ARHGAP15: variants seen among roughly 807,000 people sequenced by gnomAD.
ARHGAP15 encodes the protein rho GTPase-activating protein 15.
A neutral mutation model predicts 63.7 loss-of-function variants in ARHGAP15; 51 were observed. That is an observed-to-expected ratio of 0.80 (90% CI 0.64 to 1.01). The LOEUF is 1.01. ARHGAP15 is among the 50% of genes least tolerant of loss of function. ARHGAP15 has a pLI of 0.00. For missense variants in ARHGAP15, 560 were observed against 564.6 expected (o/e 0.99, Z 0.08); for synonymous variants, 191 against 193.8 (o/e 0.99, Z 0.12).
intron 2 of ARHGAP15, among the ~76,000 whole-genome samples, chr2:143,172,684 C>T (rs1690837142): frequency 6.6e-6 from 1 of 152,014 alleles, no homozygotes; most frequent in Admixed American, 6.6e-5. Context: ...TAGTGCCAAT[C>T]ACTGAGACAG....
At chr2:143,745,733 A>G (rs1686139743) in intron 13 of ARHGAP15, among the ~76,000 whole-genome samples, 1 of 152,182 alleles carries the variant, frequency 6.6e-6, no homozygotes, top group Non-Finnish European at 1.5e-5. Context: ...TTTCCTTGCA[A>G]AGTATTTCAA....
intron 1 of ARHGAP15, among the ~76,000 whole-genome samples, chr2:143,153,094 T>A (rs1305651115): frequency 6.6e-6 from 1 of 151,926 alleles, no homozygotes; most frequent in Non-Finnish European, 1.5e-5. Flanking sequence ...AATATAGGAA[T>A]GCAAATTTTG....
chr2:143,381,740 A>G (rs543227282), intron 6 of ARHGAP15, among the ~76,000 whole-genome samples: 1 of 152,122 alleles, frequency 6.6e-6, no homozygotes, highest in Admixed American at 6.6e-5. Flanking sequence ...CTTGAAACTG[A>G]TGTAACTCTC....
chr2:143,447,499 T>C (rs891928314), intron 8 of ARHGAP15, among the ~76,000 whole-genome samples: 1 of 152,162 alleles, frequency 6.6e-6, no homozygotes, highest in Non-Finnish European at 1.5e-5. Flanking sequence ...GTTCACTGTA[T>C]CAAAAGGATT....
At chr2:143,687,114 CTA>C (rs1019913121) in intron 12 of ARHGAP15, among the ~76,000 whole-genome samples, 1 of 152,100 alleles carries the variant, frequency 6.6e-6, no homozygotes, top group African/African-American at 2.4e-5. Context: ...AGCTGGGTAA[CTA>C]TCTTATTTCT....
intron 12 of ARHGAP15, among the ~76,000 whole-genome samples, chr2:143,699,519 C>T (rs1683992063): frequency 6.6e-6 from 1 of 152,110 alleles, no homozygotes; most frequent in Admixed American, 6.6e-5. Flanking sequence ...TATAGGCAAA[C>T]TTGGAAACCG....
At chr2:143,256,491 CAT>C (rs1680434536) in intron 6 of ARHGAP15, among the ~76,000 whole-genome samples, 2 of 152,004 alleles carry the variant, frequency 1.3e-5, no homozygotes, top group African/African-American at 4.8e-5. Flanking sequence ...TAATCAATGA[CAT>C]ATTCAAATTA....
chr2:143,712,109 C>T (rs1461351972), intron 13 of ARHGAP15, among the ~76,000 whole-genome samples: 1 of 152,042 alleles, frequency 6.6e-6, no homozygotes, highest in Non-Finnish European at 1.5e-5. Context: ...TATAGTAGTC[C>T]AAGCTAGAGA....
intron 11 of ARHGAP15, among the ~76,000 whole-genome samples, chr2:143,562,346 A>G (rs1574637217): frequency 1.3e-5 from 2 of 152,224 alleles, no homozygotes; most frequent in Non-Finnish European, 2.9e-5. Flanking sequence ...AAAAGATCTG[A>G]AAAAGGATTT....
intron 12 of ARHGAP15, among the ~76,000 whole-genome samples, chr2:143,624,841 AGT>A (rs957702510): frequency 2.0e-5 from 3 of 152,130 alleles, no homozygotes; most frequent in African/African-American, 7.2e-5. Flanking sequence ...TTTATAAGAG[AGT>A]GAGTTATATC....
chr2:143,203,887 A>G (rs1215939835), intron 3 of ARHGAP15, among the ~76,000 whole-genome samples: 1 of 152,128 alleles, frequency 6.6e-6, no homozygotes, highest in African/African-American at 2.4e-5. Flanking sequence ...GAACTTCAGT[A>G]CTATAAATTC....
At chr2:143,186,796 T>A (rs553728221) in intron 2 of ARHGAP15, among the ~76,000 whole-genome samples, 154 of 152,198 alleles carry the variant, frequency 1.0e-3, no homozygotes, top group Non-Finnish European at 1.9e-3. Flanking sequence ...AGCAAATTCG[T>A]GCTTTGTGGT....
chr2:143,731,480 C>T (rs1274019118), intron 13 of ARHGAP15, among the ~76,000 whole-genome samples: 2 of 152,100 alleles, frequency 1.3e-5, no homozygotes, highest in Non-Finnish European at 2.9e-5. Flanking sequence ...CATACATCTC[C>T]CTCTCTAGGA....
chr2:143,411,393 G>A (rs1444154531), intron 6 of ARHGAP15, among the ~76,000 whole-genome samples: 1 of 151,860 alleles, frequency 6.6e-6, no homozygotes, highest in African/African-American at 2.4e-5. Context: ...CTTGCTGTTT[G>A]GAGATATGCA....
intron 4 of ARHGAP15, among the ~76,000 whole-genome samples, chr2:143,221,107 A>G (rs1287335522): frequency 6.6e-6 from 1 of 152,126 alleles, no homozygotes. Context: ...TCATGCCATC[A>G]ACAGTACCAG....
chr2:143,421,558 A>G (rs1026665859), intron 6 of ARHGAP15, among the ~76,000 whole-genome samples: 5 of 151,984 alleles, frequency 3.3e-5, no homozygotes, highest in Non-Finnish European at 7.4e-5. Context: ...AGTTTTTCAA[A>G]TTGCAAATTC....
At chr2:143,568,951 G>T (rs1696343989) in intron 11 of ARHGAP15, among the ~76,000 whole-genome samples, 1 of 152,144 alleles carries the variant, frequency 6.6e-6, no homozygotes, top group Non-Finnish European at 1.5e-5. Context: ...CTCATAGGTG[G>T]GAATTGAACA....
intron 6 of ARHGAP15, among the ~76,000 whole-genome samples, chr2:143,379,487 ATGTGTGTGTGTG>A (rs58976215): frequency 1.4e-4 from 18 of 129,762 alleles, no homozygotes; most frequent in South Asian, 1.1e-3. Context: ...AGGCATATAT[ATGTGTGTGTGTG>A]TGTGTGTGTG....
intron 2 of ARHGAP15, among the ~76,000 whole-genome samples, chr2:143,191,438 T>A (rs1220543937): frequency 6.6e-6 from 1 of 152,206 alleles, no homozygotes; most frequent in African/African-American, 2.4e-5. Context: ...AGGTCACATG[T>A]ATAAAGAGGT....
Sources: gnomAD v4.1 joint callset for allele counts (sites outside exome capture counted in the v4.1 genomes callset) on GRCh38, gnomAD v4.1.1 for gene constraint, MANE v1.5 for transcripts, NCBI Gene and HGNC (gene_info 2026-07-23, HGNC 2026-07-21) for gene names.